The following EBF2 variants were observed in gnomAD, a reference collection of about 807,000 sequenced individuals.
EBF2 encodes EBF transcription factor 2.
In EBF2, 21 loss-of-function variants were observed where a neutral mutation model predicts 72.8. The ratio of observed to expected loss-of-function variants is 0.29; its 90% CI spans 0.20 to 0.42. EBF2 has a LOEUF of 0.42. Among genes scored for constraint, EBF2 ranks in the 10% least tolerant of loss-of-function variants. The probability of loss-of-function intolerance (pLI) is 1.00; values close to 1 mark genes in which losing one functional copy is unlikely to be tolerated. For missense variants in EBF2, 637 were observed against 731.2 expected (o/e 0.87, Z 1.49); for synonymous variants, 299 against 274.2 (o/e 1.09, Z -0.89).
chr8:25,984,622 C>T (rs748846311), intron 6 of EBF2, among the ~76,000 whole-genome samples: 4 of 151,594 alleles, frequency 2.6e-5, no homozygotes, highest in Non-Finnish European at 4.4e-5. Context: ...GCGGAGGTTG[C>T]AATGAGCCGA....
intron 6 of EBF2, among the ~76,000 whole-genome samples, chr8:26,007,580 T>A (rs1269147778): frequency 1.3e-5 from 2 of 152,160 alleles, no homozygotes; most frequent in Non-Finnish European, 2.9e-5. Flanking sequence ...GAGTCAAGGT[T>A]GCTGGGGAAG....
intron 6 of EBF2, among the ~76,000 whole-genome samples, chr8:25,932,379 TA>T (rs10712503): frequency 0.79 from 115,514 of 145,906 alleles, 47,678 homozygotes; most frequent in Non-Finnish European, 0.92. Flanking sequence ...GTCTCTTGAT[TA>T]AAAAAAAAAA....
chr8:25,899,165 C>T (rs6991347), intron 7 of EBF2, among the ~76,000 whole-genome samples: 81,705 of 151,744 alleles, frequency 0.54, 22,424 homozygotes, highest in East Asian at 0.73. Flanking sequence ...AGAGAAAAGC[C>T]TGAAGTCACT....
intron 6 of EBF2, among the ~76,000 whole-genome samples, chr8:25,959,366 G>A (rs142706307): frequency 4.3e-4 from 66 of 152,146 alleles, no homozygotes; most frequent in African/African-American, 1.4e-3. Context: ...CACCATGCCT[G>A]GCTAATTTTT....
chr8:26,041,096 C>T, intron 2 of EBF2, 94 bp from the exon 3 acceptor site: 1 of 1,444,294 alleles, frequency 6.9e-7, no homozygotes, highest in Non-Finnish European at 9.6e-7. Flanking sequence ...CATCCCTTCT[C>T]CCCATCAAAA....
intron 6 of EBF2, among the ~76,000 whole-genome samples, chr8:25,933,089 C>A (rs1803511952): frequency 6.6e-6 from 1 of 152,140 alleles, no homozygotes; most frequent in Non-Finnish European, 1.5e-5. Context: ...TGTTTTCTCC[C>A]CCTTCCAACA....
chr8:25,912,167 G>A (rs535264323), intron 6 of EBF2, among the ~76,000 whole-genome samples: 3 of 152,268 alleles, frequency 2.0e-5, no homozygotes, highest in Admixed American at 2.0e-4. Context: ...AACCCCATGG[G>A]TGACGAATCA....
intron 6 of EBF2, among the ~76,000 whole-genome samples, chr8:26,001,322 C>A (rs1804720815): frequency 1.3e-5 from 2 of 152,116 alleles, no homozygotes; most frequent in Admixed American, 6.5e-5. Flanking sequence ...AAGGATGAGA[C>A]AGAGGAAGAA....
At chr8:26,014,763 T>C (rs1238348755) in intron 6 of EBF2, among the ~76,000 whole-genome samples, 1 of 152,204 alleles carries the variant, frequency 6.6e-6, no homozygotes, top group Non-Finnish European at 1.5e-5. Context: ...CTAATTCTTA[T>C]AGGTTGACAT....
intron 6 of EBF2, among the ~76,000 whole-genome samples, chr8:25,947,129 C>G (rs949867854): frequency 1.1e-4 from 17 of 152,262 alleles, no homozygotes; most frequent in African/African-American, 1.2e-4. Flanking sequence ...GTGTCTCCAC[C>G]CAAATCTCAT....
intron 6 of EBF2, among the ~76,000 whole-genome samples, chr8:25,970,664 G>A (rs1369508099): frequency 6.6e-6 from 1 of 152,198 alleles, no homozygotes; most frequent in Non-Finnish European, 1.5e-5. Context: ...GCAGCCTGCA[G>A]AAATGAGGCC....
chr8:26,044,959 T>A lies in EBF2; in HGVS notation c.-100A>T. The A allele has an allele frequency of 3.8e-6, 5 of 1,318,858 alleles. No individual in the cohort carries two copies. Among genetic ancestry groups the A allele is most frequent in the Admixed American group, 2.3e-5 (1 of 43,248 alleles). 81.7% of individuals were successfully genotyped at this position (1,318,858 alleles called of 1,614,324 possible). A position where few individuals can be genotyped will look rare whatever the true frequency, so the allele number is the denominator to read the frequency against. ...CAGCAAATCGTCTCCTCCAAAGCAA[T>A]CCAAGAAAAGGGATCAAGTGCCCAA... On this transcript the variant is annotated 5_prime_UTR_variant, in exon 1 of 16. Transcript: ENST00000520164. This position sits in a 1 kb window ranked among gnomAD's most constrained non-coding sequence, Gnocchi z 4.1.
At chr8:25,942,171 A>C (rs1228356118) in intron 6 of EBF2, among the ~76,000 whole-genome samples, 1 of 152,240 alleles carries the variant, frequency 6.6e-6, no homozygotes, top group South Asian at 2.1e-4. Context: ...ATCTGGGAAC[A>C]TGCAATGGTT....
intron 6 of EBF2, among the ~76,000 whole-genome samples, chr8:25,967,845 A>G (rs1471323488): frequency 6.6e-6 from 1 of 152,228 alleles, no homozygotes; most frequent in Admixed American, 6.5e-5. Flanking sequence ...GGACACTCAC[A>G]CGTAAAACAA....
chr8:25,999,633 T>G (rs1804689594), intron 6 of EBF2, among the ~76,000 whole-genome samples: 1 of 140,104 alleles, frequency 7.1e-6, no homozygotes, highest in Non-Finnish European at 1.6e-5. Flanking sequence ...GATCTTGTCT[T>G]TCCTCTTTTT....
At chr8:26,032,881 C>T in intron 6 of EBF2, 3 of 571,252 alleles carry the variant, frequency 5.3e-6, no homozygotes, top group South Asian at 4.3e-5. Flanking sequence ...GACTCCACCA[C>T]AGATTTAGAG....
At chr8:26,018,763 C>T (rs1805155820) in intron 6 of EBF2, among the ~76,000 whole-genome samples, 1 of 151,932 alleles carries the variant, frequency 6.6e-6, no homozygotes, top group African/African-American at 2.4e-5. Context: ...TAGCACTTCT[C>T]ATGCATTTGG....
At chr8:25,998,475 T>C (rs1804672175) in intron 6 of EBF2, among the ~76,000 whole-genome samples, 1 of 152,160 alleles carries the variant, frequency 6.6e-6, no homozygotes, top group Admixed American at 6.5e-5. Flanking sequence ...AGCAAGTGCA[T>C]TTTCGGTGGT....
At chr8:25,916,301 A>T (rs1194573284) in intron 6 of EBF2, among the ~76,000 whole-genome samples, 1 of 139,054 alleles carries the variant, frequency 7.2e-6, no homozygotes, top group Non-Finnish European at 1.6e-5. Context: ...AAAAAAAAAA[A>T]GCAAAAAACC....
Sources: allele counts gnomAD v4.1 joint callset (sites outside exome capture counted in the v4.1 genomes callset), GRCh38; gene constraint gnomAD v4.1.1; non-coding constraint Gnocchi (gnomAD v3.1); transcripts MANE v1.5; gene names NCBI Gene and HGNC (gene_info 2026-07-23, HGNC 2026-07-21).